Variants in ATRNL1 observed in about 807,000 individuals in gnomAD.
ATRNL1 encodes the protein attractin like 1, also known as attractin-like protein 1.
In ATRNL1, 95 loss-of-function variants were observed where a neutral mutation model predicts 182.7. The ratio of observed to expected loss-of-function variants is 0.52; its 90% confidence interval spans 0.44 to 0.62. The LOEUF is 0.62. ATRNL1 is among the 20% of genes least tolerant of loss of function. ATRNL1 has a pLI of 0.00. For missense variants in ATRNL1, 1,471 were observed against 1,679.5 expected, an observed-to-expected ratio of 0.88 and a Z score of 2.17; for synonymous variants, 576 against 568.3, an observed-to-expected ratio of 1.01 and a Z score of -0.19.
At chr10:115,456,358 A>G (rs1321233807) in intron 21 of ATRNL1, among the ~76,000 whole-genome samples, 2 of 152,178 alleles carry the variant, frequency 1.3e-5, no homozygotes, top group Non-Finnish European at 2.9e-5. Flanking sequence ...GCTGGAAACC[A>G]TCATTCTTAG....
At chr10:115,112,071 A>AT (rs1452497098) in intron 1 of ATRNL1, among the ~76,000 whole-genome samples, 4 of 151,994 alleles carry the variant, frequency 2.6e-5, no homozygotes, top group African/African-American at 9.7e-5. Flanking sequence ...AAAAACCCAA[A>AT]AAAAAACTTA....
chr10:115,536,429 A>G (rs1852008943), intron 25 of ATRNL1, among the ~76,000 whole-genome samples: 3 of 152,072 alleles, frequency 2.0e-5, no homozygotes, highest in African/African-American at 7.2e-5. Context: ...TGTGGGATAT[A>G]ATCTCCTGGT....
chr10:115,505,561 T>A (rs1256901425), intron 24 of ATRNL1, among the ~76,000 whole-genome samples: 1 of 152,112 alleles, frequency 6.6e-6, no homozygotes, highest in African/African-American at 2.4e-5. Flanking sequence ...CTTCTTTGAT[T>A]TCTTTAAGGA....
intron 15 of ATRNL1, among the ~76,000 whole-genome samples, chr10:115,297,397 T>C (rs1456008347): frequency 3.3e-5 from 5 of 151,880 alleles, no homozygotes; most frequent in Admixed American, 6.6e-5. Flanking sequence ...ATCCCAGCAC[T>C]TTGGGAGGCT....
At chr10:115,339,874 C>A (rs1054912414) in intron 19 of ATRNL1, among the ~76,000 whole-genome samples, 9 of 152,078 alleles carry the variant, frequency 5.9e-5, no homozygotes, top group Non-Finnish European at 1.2e-4. Flanking sequence ...AGTTATGTTC[C>A]TTCAATCCCC....
At chr10:115,617,656 C>T (rs1341853009) in intron 26 of ATRNL1, among the ~76,000 whole-genome samples, 1 of 152,198 alleles carries the variant, frequency 6.6e-6, no homozygotes, top group Non-Finnish European at 1.5e-5. Flanking sequence ...CCACACCCAG[C>T]CAACTAACTT....
chr10:115,124,624 T>C (rs1844886267), intron 3 of ATRNL1, among the ~76,000 whole-genome samples: 2 of 152,356 alleles, frequency 1.3e-5, no homozygotes, highest in Middle Eastern at 6.8e-3. Flanking sequence ...TAATACCATA[T>C]GGCCCCAACA....
chr10:115,600,933 T>C (rs1439906315), intron 26 of ATRNL1, among the ~76,000 whole-genome samples: 4 of 40,974 alleles, frequency 9.8e-5, no homozygotes, highest in African/African-American at 3.5e-4. Flanking sequence ...TATTTTCTTT[T>C]TTTTTTTTTT....
Position 115,508,418 on chromosome 10 carries a change from C to T in ATRNL1, c.3655-10845C>T, listed in dbSNP as rs79395976. ...ATGTCTTGTCACTTTAAATCAAATG[C>T]TACATGTGATTAAGCTTAGTGAGGA... On this transcript the variant is annotated intron_variant, in intron 24 of 28. Transcript: ENST00000355044. Among the ~76,000 whole-genome samples, 977 of 152,106 alleles carry T rather than the reference C, an allele frequency of 6.4e-3. 5 individuals carry two copies. Among genetic ancestry groups the T allele is most frequent in the Non-Finnish European group, 0.011 (765 of 67,962 alleles).
At chr10:115,588,375 C>T (rs1178929028) in intron 26 of ATRNL1, among the ~76,000 whole-genome samples, 1 of 152,166 alleles carries the variant, frequency 6.6e-6, no homozygotes, top group African/African-American at 2.4e-5. Context: ...GAGGTCAGAG[C>T]ATTGTTCTCC....
intron 28 of ATRNL1, among the ~76,000 whole-genome samples, chr10:115,901,430 C>T (rs1394136790): frequency 6.6e-6 from 1 of 152,060 alleles, no homozygotes; most frequent in Non-Finnish European, 1.5e-5. Flanking sequence ...TCTTAAGGGC[C>T]TATTTAAGAC....
intron 19 of ATRNL1, among the ~76,000 whole-genome samples, chr10:115,382,562 G>T (rs1858079726): frequency 6.6e-6 from 1 of 151,488 alleles, no homozygotes; most frequent in East Asian, 1.9e-4. Context: ...TGGTATCCTT[G>T]CTTAATTAAT....
At chr10:115,629,926 G>A (rs1555025806) in intron 26 of ATRNL1, among the ~76,000 whole-genome samples, 1 of 152,134 alleles carries the variant, frequency 6.6e-6, no homozygotes, top group Non-Finnish European at 1.5e-5. Context: ...AGAACAAGTA[G>A]TAGTTAGCTA....
At chr10:115,341,188 C>G (rs1179813221) in intron 19 of ATRNL1, among the ~76,000 whole-genome samples, 5 of 151,884 alleles carry the variant, frequency 3.3e-5, no homozygotes, top group African/African-American at 1.2e-4. Context: ...TATTGCTTTG[C>G]TGTATCCCAT....
intron 26 of ATRNL1, among the ~76,000 whole-genome samples, chr10:115,698,856 G>A (rs1946646446): frequency 6.6e-6 from 1 of 151,654 alleles, no homozygotes; most frequent in African/African-American, 2.4e-5. Context: ...AGCAATATTC[G>A]TCTCAGTGCT....
intron 28 of ATRNL1, among the ~76,000 whole-genome samples, chr10:115,933,843 C>T (rs1239400196): frequency 4.6e-5 from 7 of 152,108 alleles, no homozygotes; most frequent in Non-Finnish European, 1.0e-4. Context: ...TCCTGTGTTC[C>T]CCACCATCAG....
At chr10:115,356,030 A>G (rs1162956255) in intron 19 of ATRNL1, among the ~76,000 whole-genome samples, 2 of 152,156 alleles carry the variant, frequency 1.3e-5, no homozygotes, top group Non-Finnish European at 2.9e-5. Flanking sequence ...AGACTTTTAC[A>G]GACGTGTTTA....
chr10:115,557,796 C>T (rs782077186), intron 26 of ATRNL1, among the ~76,000 whole-genome samples: 1 of 152,042 alleles, frequency 6.6e-6, no homozygotes, highest in African/African-American at 2.4e-5. Flanking sequence ...CCTGTAATCC[C>T]GACACTTTGA....
chr10:115,820,769 C>T (rs145322459), intron 27 of ATRNL1, among the ~76,000 whole-genome samples: 7 of 152,208 alleles, frequency 4.6e-5, no homozygotes, highest in African/African-American at 9.6e-5. Context: ...CTAACTTTGT[C>T]ACTTCTGTCT....
Sources: gnomAD v4.1 joint callset for allele counts (sites outside exome capture counted in the v4.1 genomes callset) on GRCh38, gnomAD v4.1.1 for gene constraint, MANE v1.5 for transcripts, NCBI Gene and HGNC (gene_info 2026-07-23, HGNC 2026-07-21) for gene names.